The following LRP4 variants were observed in gnomAD, a reference collection of about 807,000 sequenced individuals.
The protein encoded by LRP4 is low-density lipoprotein receptor-related protein 4.
LRP4 carries 95 observed loss-of-function variants against 220.3 expected under a neutral mutation model. The observed-to-expected ratio is 0.43, with a 90% CI of 0.37 to 0.51. The LOEUF is 0.51. LRP4 is among the 20% of genes least tolerant of loss of function. The pLI, the probability that LRP4 is intolerant of heterozygous loss-of-function variation, is 0.00. For missense variants in LRP4, 1,925 were observed against 2,567.0 expected (o/e 0.75, Z 5.40); for synonymous variants, 903 against 954.6 (o/e 0.95, Z 1.00).
rs781231056 is a variant in LRP4, at chr11:46,883,915, C to A, written c.2568G>T (p.Glu856Asp). The change falls in exon 19 of 38, where the codon GAG (glutamate) becomes GAT (aspartate). Residue 856 changes from glutamate to aspartate, a missense_variant. Physicochemically the swap from Glu to Asp is conservative, Grantham distance 45 (BLOSUM62 2). Transcript: ENST00000378623. ...CGATGTCCCGAGGACGATCAAGGTT[C>A]TCCCAGATGAGTACTGTTCTCATGC... ...DGSMRTVLIWENLDRPRDIVV... is the reference protein window; with the variant it reads ...DGSMRTVLIWDNLDRPRDIVV... The A allele has an allele frequency of 3.5e-5, 57 of 1,614,134 alleles. No individual in the cohort carries two copies. The highest frequency in any genetic ancestry group is 4.8e-5 in the Non-Finnish European group (57 of 1,180,048).
intron 1 of LRP4, among the ~76,000 whole-genome samples, chr11:46,914,720 G>A (rs776188192): frequency 1.3e-5 from 2 of 152,144 alleles, no homozygotes; most frequent in East Asian, 1.9e-4. Flanking sequence ...GCTGGAACAG[G>A]CTAACAGACC....
chr11:46,869,256 CAT>C, intron 31 of LRP4, 124 bp from the exon 32 acceptor site: 1 of 868,530 alleles, frequency 1.2e-6, no homozygotes. Flanking sequence ...ATCTCTTCCT[CAT>C]TTCTGTGCAT....
rs1029730767 is a variant in LRP4 at position 46,881,613 on chromosome 11, C to T, written c.2814+89G>A. The T allele has an allele frequency of 9.3e-6, 12 of 1,291,228 alleles. No individual in the cohort carries two copies. In the African/African-American group the frequency reaches 1.3e-4, roughly 14 times the overall value. 80.0% of individuals were successfully genotyped at this position (1,291,228 alleles called of 1,614,324 possible). On this transcript the variant is annotated intron_variant, in intron 20 of 37. Coordinates refer to ENST00000378623, the MANE Select transcript of LRP4 (RefSeq NM_002334.4). ...AGATCCCCTTATCTCCAATCAGCTG[C>T]CAGCCAAAAAGTACTGTCCTGGAGG...
At chr11:46,914,180 T>A (rs1206028886) in intron 1 of LRP4, among the ~76,000 whole-genome samples, 2 of 152,162 alleles carry the variant, frequency 1.3e-5, no homozygotes, top group African/African-American at 4.8e-5. Flanking sequence ...TATGTGATAA[T>A]CTATTACTAC....
At position 46,868,480 on chromosome 11, in the gene LRP4, T is replaced by G. The variant is rs1209521513; in HGVS notation, c.4951+120A>C. 7 of 809,144 alleles carry G rather than the reference T, an allele frequency of 8.7e-6. No homozygotes were observed. The Admixed American group carries it at 1.3e-4, about 15-fold the overall frequency. 50.1% of individuals were successfully genotyped at this position (809,144 alleles called of 1,614,324 possible). The stretch of plus-strand genomic sequence containing the variant: ...AGACTGCTACCAATCACTCCACTAA[T>G]AAGACCTTCTTTATGGGGATCCCAC... On this transcript the variant is annotated intron_variant, in intron 33 of 37. Coordinates refer to ENST00000378623, the MANE Select transcript of LRP4 (RefSeq NM_002334.4).
At chr11:46,915,669 G>A (rs1192001216) in intron 1 of LRP4, among the ~76,000 whole-genome samples, 2 of 152,060 alleles carry the variant, frequency 1.3e-5, no homozygotes, top group Admixed American at 6.5e-5. Context: ...TCATCCATTC[G>A]AGTAGCTGGG....
chr11:46,910,781 C>T (rs1941846748), intron 1 of LRP4, among the ~76,000 whole-genome samples: 1 of 146,452 alleles, frequency 6.8e-6, no homozygotes, highest in South Asian at 2.2e-4. Flanking sequence ...TCAAGCGATT[C>T]TCCTGCCTCA....
intron 16 of LRP4, among the ~76,000 whole-genome samples, chr11:46,887,095 C>G (rs1200385871): frequency 6.6e-6 from 1 of 152,174 alleles, no homozygotes; most frequent in Non-Finnish European, 1.5e-5. Context: ...GATCAAGAAA[C>G]TTGCCCAGGA....
At chr11:46,902,025 G>A (rs998139312) in intron 2 of LRP4, among the ~76,000 whole-genome samples, 6 of 151,308 alleles carry the variant, frequency 4.0e-5, no homozygotes, top group East Asian at 3.9e-4. Context: ...GAGCCACTGC[G>A]CCCGGCCTAA....
In LRP4 at chr11:46,890,174, G is replaced by A; in HGVS notation, c.1916-54C>T. The A allele has an allele frequency of 6.2e-7, 1 of 1,608,280 alleles. No homozygotes were observed. The highest frequency in any genetic ancestry group is 8.5e-7 in the Non-Finnish European group (1 of 1,174,996). On this transcript the variant is annotated intron_variant, in intron 14 of 37. Transcript: ENST00000378623. This position sits in a 1 kb window ranked among gnomAD's most constrained non-coding sequence, Gnocchi z 5.3. ...TGGACGTGGTCTGCCATGTCCCCTG[G>A]GCCCAGGCCTGGCAACTACACAAAA... is the stretch of plus-strand genomic sequence containing the variant.
intron 28 of LRP4, 126 bp downstream of exon 28, chr11:46,874,674 G>C (rs1940962394): frequency 1.3e-6 from 1 of 775,648 alleles, no homozygotes; most frequent in Non-Finnish European, 2.2e-6. Flanking sequence ...AAGTGAACAA[G>C]TCAGGATTAA....
chr11:46,884,430 C>T (rs1941233456), intron 18 of LRP4, among the ~76,000 whole-genome samples: 2 of 151,878 alleles, frequency 1.3e-5, no homozygotes, highest in African/African-American at 4.8e-5. Flanking sequence ...GGTAAAACCC[C>T]GTCTCTACTA....
chr11:46,859,904 G>A (rs1178737168), intron 37 of LRP4, among the ~76,000 whole-genome samples: 1 of 152,076 alleles, frequency 6.6e-6, no homozygotes, highest in African/African-American at 2.4e-5. Context: ...TTTTGTTAAG[G>A]AGAAAACTTG....
chr11:46,883,179 GTTTCCT>G (rs1941202012), intron 19 of LRP4, among the ~76,000 whole-genome samples: 2 of 152,290 alleles, frequency 1.3e-5, no homozygotes, highest in South Asian at 4.1e-4. Flanking sequence ...GAATTGAAAA[GTTTCCT>G]TGTCCACAGA....
At chr11:46,896,720 C>G in intron 8 of LRP4, 149 bp downstream of exon 8, 1 of 1,146,608 alleles carries the variant, frequency 8.7e-7, no homozygotes, top group Admixed American at 1.9e-5. Context: ...ATACTGTGCT[C>G]CAGGCCATAA....
In LRP4 at chr11:46,873,680, A is replaced by C. The variant is rs146511157; in HGVS notation, c.4230-87T>G. On this transcript the variant is annotated intron_variant, in intron 28 of 37. Coordinates refer to ENST00000378623, the MANE Select transcript of LRP4 (RefSeq NM_002334.4). This position sits in a 1 kb window ranked among gnomAD's most constrained non-coding sequence, Gnocchi z 4.2. ...ACCCATGTTCCCATAACTGGACCCC[A>C]CTGAACTGTAAGCTCCACAGGGATA... The C allele has an allele frequency of 2.3e-5, 25 of 1,071,300 alleles. No individual in the cohort carries two copies. The East Asian group carries it at 5.7e-4, about 24-fold the overall frequency. The allele number at this position is 1,071,300 out of a possible 1,614,324, so 66.4% of individuals were successfully genotyped here. A position where few individuals can be genotyped will look rare whatever the true frequency, so the allele number is the denominator to read the frequency against.
At chr11:46,915,064 A>G (rs1434724182) in intron 1 of LRP4, among the ~76,000 whole-genome samples, 1 of 152,178 alleles carries the variant, frequency 6.6e-6, no homozygotes, top group Admixed American at 6.5e-5. Context: ...GTCATTCTTA[A>G]TACCACGTGC....
rs775370217 is a variant in LRP4, at chr11:46,868,627, C to T, written c.4924G>A (p.Glu1642Lys). Reference sequence around the variant, plus strand: ...AGGGAGCAGGGCCGGCTATCAGGTTCGTCAGGACAGGCACATACGAAGTCC... The same window carrying T: ...AGGGAGCAGGGCCGGCTATCAGGTTTGTCAGGACAGGCACATACGAAGTCC... ...ASDFVCACPD[E>K]PDSRPCSLVP... The change falls in exon 33 of 38, where the codon GAA becomes AAA. Residue 1642 changes from glutamate (E) to lysine (K), a missense_variant. By Grantham distance (56) the Glu-to-Lys change is moderately conservative. Coordinates refer to ENST00000378623, the MANE Select transcript of LRP4 (RefSeq NM_002334.4). 9 of 1,613,938 alleles carry T rather than the reference C, an allele frequency of 5.6e-6. No individual in the cohort carries two copies. Among genetic ancestry groups the T allele is most frequent in the South Asian group, 3.3e-5 (3 of 91,086 alleles).
At chr11:46,877,565 T>TC (rs1941051204) in intron 22 of LRP4, among the ~76,000 whole-genome samples, 1 of 152,146 alleles carries the variant, frequency 6.6e-6, no homozygotes, top group Non-Finnish European at 1.5e-5. Context: ...CCTCCTGAGC[T>TC]CAAGCGATCC....
Sources: gnomAD v4.1 joint callset for allele counts (sites outside exome capture counted in the v4.1 genomes callset) on GRCh38, gnomAD v4.1.1 for gene constraint, Gnocchi (gnomAD v3.1) non-coding constraint, MANE v1.5 for transcripts, NCBI Gene and HGNC (gene_info 2026-07-23, HGNC 2026-07-21) for gene names.